Variants in MAP1A observed in about 807,000 individuals in gnomAD.
MAP1A encodes the protein microtubule-associated protein 1A.
Under a neutral mutation model 185.9 loss-of-function variants are expected in MAP1A, and 42 were observed. That is an observed-to-expected ratio of 0.23 (90% confidence interval 0.18 to 0.29). The LOEUF (loss-of-function observed/expected upper bound fraction) is 0.29, where lower values mean the gene tolerates loss of function less well. Ranked by LOEUF, MAP1A falls within the 10% of genes least tolerant of loss-of-function variation. The pLI is 1.00. For synonymous variants in MAP1A, 1,229 were observed against 1,335.9 expected (o/e 0.92, Z 1.74); for missense variants, 2,995 against 3,450.4 (o/e 0.87, Z 3.31).
In MAP1A at chr15:43,523,102, G is replaced by T. The variant is rs1351782390; in HGVS notation, c.1629G>T (p.Arg543Ser). 6.2e-7 allele frequency: 1 copy of T among 1,614,162 alleles called. No individual in the cohort carries two copies. The highest frequency in any genetic ancestry group is 2.2e-5 in the East Asian group (1 of 44,882). Residue 543 changes from arginine (R) to serine (S), a missense_variant, in exon 4 of 6, where the codon AGG (arginine) becomes AGT (serine). Coordinates refer to ENST00000300231, the MANE Select transcript of MAP1A (RefSeq NM_002373.6). ...QDFEEMKREE[R>S]ALLAEQRDTG... ...TTGAGGAGATGAAGCGTGAGGAGAG[G>T]GCTTTGCTGGCTGAACAAAGGGACA...
Position 43,521,607 on chromosome 15 carries a change from G to A in MAP1A, c.134G>A (p.Gly45Asp), listed in dbSNP as rs1386232300. ...AAGCCTTGTTGCTACATCTTCCCAG[G>A]TGGTCGTGGGGACTCTGCCCTCTTT... ...LSKPCCYIFP[G>D]GRGDSALFAV... The change falls in exon 4 of 6, where the codon GGT becomes GAT. Residue 45 changes from glycine to aspartate, a missense_variant. By Grantham distance (94) the Gly-to-Asp change is moderately conservative. Around this residue, in one of 3 missense-constraint regions of MAP1A, gnomAD observed 264 missense variants for 435.3 expected, o/e 0.61. Transcript: ENST00000300231. This position sits in a 1 kb window ranked among gnomAD's most constrained non-coding sequence, Gnocchi z 4.6. 2 of 1,614,130 alleles carry A rather than the reference G, an allele frequency of 1.2e-6. No homozygotes were observed. The highest frequency in any genetic ancestry group is 1.3e-5 in the African/African-American group (1 of 75,038).
chr15:43,524,309 G>A lies in MAP1A; in HGVS notation c.2836G>A (p.Ala946Thr). ...TGTGGAAGAGGAAGAGGAGGAGACA[G>A]CAAACGTAGAGATGTCTGAGAAACT... is the stretch of plus-strand genomic sequence containing the variant. ...RAVEEEEEET[A>T]NVEMSEKLCS... Residue 946 changes from alanine (A) to threonine (T), a missense_variant, in exon 4 of 6, where the codon GCA becomes ACA. By Grantham distance (58) the Ala-to-Thr change is moderately conservative (BLOSUM62 0). Around this residue, in one of 3 missense-constraint regions of MAP1A, gnomAD observed 2,728 missense variants for 2,986.0 expected, o/e 0.91. Coordinates refer to ENST00000300231, the MANE Select transcript of MAP1A (RefSeq NM_002373.6). 1 of 1,614,230 alleles carries A rather than the reference G, an allele frequency of 6.2e-7. No individual in the cohort carries two copies. The highest frequency in any genetic ancestry group is 1.3e-5 in the African/African-American group (1 of 75,062).
At position 43,522,758 on chromosome 15, in the gene MAP1A, G is replaced by T; in HGVS notation, c.1285G>T (p.Glu429Ter). Residue 429 changes from glutamate to a stop codon, truncating the protein, a stop_gained, in exon 4 of 6, where the codon GAG becomes TAG. Coordinates refer to ENST00000300231, the MANE Select transcript of MAP1A (RefSeq NM_002373.6). LOFTEE classifies it high-confidence loss of function. This position sits in a 1 kb window ranked among gnomAD's most constrained non-coding sequence, Gnocchi z 5.9. ...AAAAGAGATCAAAAAGGAGAGGAAA[G>T]AGCTCAAGAAGGATGAAGGAAGGAA... ...EKKEIKKERK[E>*]LKKDEGRKEE... 6.9e-7 allele frequency: 1 copy of T among 1,451,410 alleles called. No individual in the cohort carries two copies. The highest frequency in any genetic ancestry group is 1.2e-5 in the South Asian group (1 of 83,792). 89.9% of individuals were successfully genotyped at this position (1,451,410 alleles called of 1,614,324 possible). A position where few individuals can be genotyped will look rare whatever the true frequency, so the allele number is the denominator to read the frequency against.
At chr15:43,511,471 T>A (rs1005445508) in intron 1 of MAP1A, among the ~76,000 whole-genome samples, 2 of 152,194 alleles carry the variant, frequency 1.3e-5, no homozygotes, top group Admixed American at 6.5e-5. Context: ...AGCGGAGCTC[T>A]ATGCAGCCCC....
rs761009064 is a variant in MAP1A at position 43,524,074 on chromosome 15, G to A, written c.2601G>A (p.Leu867=). 2 of 1,614,080 alleles carry A rather than the reference G, an allele frequency of 1.2e-6. No individual in the cohort carries two copies. Among genetic ancestry groups the A allele is most frequent in the South Asian group, 2.2e-5 (2 of 91,082 alleles). The part of the protein sequence containing the change: ...PQTEETGKSS[L]LLDTVTSIPS... ...CAGAGGAGACAGGCAAGAGCTCCCT[G>A]CTGCTTGACACAGTCACAAGCATCC... Residue 867 remains leucine, a synonymous_variant, in exon 4 of 6, where the codon CTG becomes CTA. Coordinates refer to ENST00000300231, the MANE Select transcript of MAP1A (RefSeq NM_002373.6).
chr15:43,525,301 G>A lies in MAP1A; in HGVS notation c.3828G>A (p.Gln1276=). ...ATGGGACAACTCGATACTCTGCACA[G>A]ACAGACATCACAGATGACAGCCTTG... ...PTDGTTRYSA[Q]TDITDDSLDR... is the part of the protein sequence containing the mutation. The change falls in exon 4 of 6, where the codon CAG becomes CAA. Residue 1276 remains glutamine (Q), a synonymous_variant. Coordinates refer to ENST00000300231, the MANE Select transcript of MAP1A (RefSeq NM_002373.6). 1 of 1,614,168 alleles carries A rather than the reference G, an allele frequency of 6.2e-7. No individual in the cohort carries two copies. Among genetic ancestry groups the A allele is most frequent in the Non-Finnish European group, 8.5e-7 (1 of 1,180,048 alleles).
At chr15:43,511,005 A>C (rs544933239) in exon 1 of MAP1A, 3 of 1,545,012 alleles carry the variant, frequency 1.9e-6, no homozygotes, top group African/African-American at 2.7e-5. Flanking sequence ...ACCGAGGCCG[A>C]GCCTGCGCGG....
Position 43,525,718 on chromosome 15 carries a change from A to G in MAP1A, c.4245A>G (p.Leu1415=), listed in dbSNP as rs267604222. The G allele has an allele frequency of 6.2e-7, 1 of 1,614,230 alleles. No homozygotes were observed. The highest frequency in any genetic ancestry group is 1.1e-5 in the South Asian group (1 of 91,086). ...DKALEQKGRD[L]EQKDTALEQK... ...CTTTAGAACAAAAGGGCAGAGACTT[A>G]GAGCAAAAAGACACAGCCCTAGAAC... The change falls in exon 4 of 6, where the codon TTA becomes TTG. Residue 1415 remains leucine (L), a synonymous_variant. Transcript: ENST00000300231.
upstream of MAP1A, among the ~76,000 whole-genome samples, chr15:43,513,627 C>G (rs2079289454): frequency 6.6e-6 from 1 of 152,206 alleles, no homozygotes. Context: ...GCTAATATGA[C>G]TAAAGCTCCA....
chr15:43,513,719 G>T (rs1237271525), upstream of MAP1A, among the ~76,000 whole-genome samples: 1 of 152,188 alleles, frequency 6.6e-6, no homozygotes, highest in Non-Finnish European at 1.5e-5. Context: ...TTCCTGTAAA[G>T]CAGGCTACTC....
Position 43,525,207 on chromosome 15 carries a change from A to G in MAP1A, c.3734A>G (p.Asp1245Gly). Reference protein sequence around the residue: ...EEMGHLMQAEDTSHHTAPMSV... With the variant: ...EEMGHLMQAEGTSHHTAPMSV... ...ATGGGGCATCTGATGCAGGCCGAGG[A>G]TACCTCTCACCACACAGCTCCCATG... is the stretch of plus-strand genomic sequence containing the variant. The change falls in exon 4 of 6, where the codon GAT becomes GGT. Residue 1245 changes from aspartate to glycine, a missense_variant. Coordinates refer to ENST00000300231, the MANE Select transcript of MAP1A (RefSeq NM_002373.6). The G allele has an allele frequency of 1.2e-6, 2 of 1,614,094 alleles. No individual in the cohort carries two copies. The highest frequency in any genetic ancestry group is 8.5e-7 in the Non-Finnish European group (1 of 1,180,026).
chr15:43,516,094 G>C (rs2079296104), upstream of MAP1A, among the ~76,000 whole-genome samples: 1 of 152,208 alleles, frequency 6.6e-6, no homozygotes, highest in African/African-American at 2.4e-5. Context: ...GCAGGGAGGA[G>C]ATAGAAGGCT....
chr15:43,514,609 C>CT (rs2079291937), upstream of MAP1A, among the ~76,000 whole-genome samples: 1 of 152,230 alleles, frequency 6.6e-6, no homozygotes, highest in Non-Finnish European at 1.5e-5. Flanking sequence ...TTCCTAGGCA[C>CT]TGCCCCCTCC....
At position 43,526,286 on chromosome 15, in the gene MAP1A, A is replaced by G; in HGVS notation, c.4813A>G (p.Lys1605Glu). The change falls in exon 4 of 6, where the codon AAG (lysine) becomes GAG (glutamate). Residue 1605 changes from lysine to glutamate, a missense_variant. This residue lies in a region of MAP1A where 2,728 missense variants were observed against 2,986.0 expected (regional missense o/e 0.91). Transcript: ENST00000300231. This position sits in a 1 kb window ranked among gnomAD's most constrained non-coding sequence, Gnocchi z 4.7. Reference protein sequence around the residue: ...MLEEKSPEKVKAMEEKLEALL... With the variant: ...MLEEKSPEKVEAMEEKLEALL... The stretch of plus-strand genomic sequence containing the variant: ...AGAGGAAAAATCCCCAGAAAAGGTC[A>G]AGGCCATGGAAGAGAAGTTAGAAGC... 2.5e-6 allele frequency: 4 copies of G among 1,614,128 alleles called. No homozygotes were observed. The highest frequency in any genetic ancestry group is 3.4e-6 in the Non-Finnish European group (4 of 1,180,012).
exon 1 of MAP1A, chr15:43,511,133 C>T (rs563130223): frequency 2.1e-4 from 322 of 1,550,350 alleles, no homozygotes; most frequent in Non-Finnish European, 2.5e-4. Flanking sequence ...GGCGGCTGCA[C>T]GCTGGGACCT....
chr15:43,528,033 G>A lies in MAP1A; in HGVS notation c.6560G>A (p.Arg2187His), dbSNP rs773602870. ...PPQLPSPAEP[R>H]SAPCGSLAFS... ...CAGCTGCCCTCTCCAGCTGAACCCC[G>A]CTCGGCACCCTGTGGCTCCCTTGCC... Residue 2187 changes from arginine (R) to histidine (H), a missense_variant, in exon 4 of 6, where the codon CGC (arginine) becomes CAC (histidine). Physicochemically the swap from Arg to His is conservative, Grantham distance 29. Coordinates refer to ENST00000300231, the MANE Select transcript of MAP1A (RefSeq NM_002373.6). 1.9e-5 allele frequency: 31 copies of A among 1,613,692 alleles called. No individual in the cohort carries two copies. The highest frequency in any genetic ancestry group is 2.4e-5 in the Non-Finnish European group (28 of 1,180,008).
Position 43,527,034 on chromosome 15 carries a change from C to T in MAP1A, c.5561C>T (p.Pro1854Leu). ...GTGCCCAAGGACAGACCCCTCCCCC[C>T]TGCACCCCTCTCCCCAGCTCCTGGT... ...PWVPKDRPLP[P>L]APLSPAPGPP... The change falls in exon 4 of 6, where the codon CCT (proline) becomes CTT (leucine). Residue 1854 changes from proline to leucine, a missense_variant. Around this residue, in one of 3 missense-constraint regions of MAP1A, gnomAD observed 2,728 missense variants for 2,986.0 expected, o/e 0.91. Transcript: ENST00000300231. 1 of 1,597,834 alleles carries T rather than the reference C, an allele frequency of 6.3e-7. No homozygotes were observed. The highest frequency in any genetic ancestry group is 8.5e-7 in the Non-Finnish European group (1 of 1,172,190).
rs2079334290 is a variant in MAP1A at position 43,524,595 on chromosome 15, A to G, written c.3122A>G (p.Lys1041Arg). The G allele has an allele frequency of 3.1e-6, 5 of 1,614,134 alleles. No homozygotes were observed. The highest frequency in any genetic ancestry group is 4.2e-6 in the Non-Finnish European group (5 of 1,179,988). ...ACTAAGCGCACACCAGGTGTGGGCA[A>G]AGAAGATGCTGCTGAGGAGACAGTC... ...GDTKRTPGVG[K>R]EDAAEETVKP... is the part of the protein sequence containing the mutation. The change falls in exon 4 of 6, where the codon AAA (lysine) becomes AGA (arginine). Residue 1041 changes from lysine (K) to arginine (R), a missense_variant. By Grantham distance (26) the Lys-to-Arg change is conservative. Transcript: ENST00000300231.
At chr15:43,519,323 C>G (rs1649963278) in intron 1 of MAP1A, among the ~76,000 whole-genome samples, 1 of 152,232 alleles carries the variant, frequency 6.6e-6, no homozygotes, top group African/African-American at 2.4e-5. Flanking sequence ...CTGACACCAT[C>G]GTTCATTTCC....
Sources: allele counts gnomAD v4.1 joint callset (sites outside exome capture counted in the v4.1 genomes callset), GRCh38; gene constraint gnomAD v4.1.1; regional missense constraint gnomAD v4.1.1; non-coding constraint Gnocchi (gnomAD v3.1); transcripts MANE v1.5; gene names NCBI Gene and HGNC (gene_info 2026-07-23, HGNC 2026-07-21).